The following KLC1 variants were observed in gnomAD, a reference collection of about 807,000 sequenced individuals.
KLC1 encodes the protein kinesin light chain 1.
KLC1 carries 30 observed loss-of-function variants against 84.2 expected under a neutral mutation model. The ratio of observed to expected loss-of-function variants is 0.36; its 90% CI spans 0.27 to 0.48. KLC1 has a LOEUF of 0.48. Among genes scored for constraint, KLC1 ranks in the 20% least tolerant of loss-of-function variants. KLC1 has a pLI of 0.99. For missense variants in KLC1, 499 were observed against 805.4 expected, an observed-to-expected ratio of 0.62 and a Z score of 4.60; for synonymous variants, 289 against 293.3, an observed-to-expected ratio of 0.99 and a Z score of 0.15.
intron 1 of KLC1, among the ~76,000 whole-genome samples, chr14:103,630,995 C>T (rs541343610): frequency 1.3e-5 from 2 of 152,254 alleles, no homozygotes; most frequent in African/African-American, 4.8e-5. Flanking sequence ...CGTTTATCTC[C>T]AGCAAGGGGG....
chr14:103,655,172 A>C (rs1490388897), intron 2 of KLC1, among the ~76,000 whole-genome samples: 1 of 152,002 alleles, frequency 6.6e-6, no homozygotes, highest in African/African-American at 2.4e-5. Flanking sequence ...GGTTGCAGGG[A>C]GCCAAAATTG....
chr14:103,692,492 C>T (rs1418137878), intron 15 of KLC1, 67 bp downstream of exon 15: 16 of 1,363,166 alleles, frequency 1.2e-5, no homozygotes, highest in South Asian at 2.5e-5. Flanking sequence ...GCTGCAGACC[C>T]GCACTCGGCC....
chr14:103,638,302 A>G (rs75950261), intron 1 of KLC1, among the ~76,000 whole-genome samples: 2 of 152,066 alleles, frequency 1.3e-5, no homozygotes, highest in Non-Finnish European at 2.9e-5. Context: ...AGAGTAATTG[A>G]CATTTCTTTC....
Position 103,662,257 on chromosome 14 carries a change from C to A in KLC1, c.571+63C>A, listed in dbSNP as rs377606968. 203 of 1,306,392 alleles carry A rather than the reference C, an allele frequency of 1.6e-4. No homozygotes were observed. The African/African-American group carries it at 2.6e-3, about 17-fold the overall frequency. The allele number at this position is 1,306,392 out of a possible 1,614,324, so 80.9% of individuals were successfully genotyped here. On this transcript the variant is annotated intron_variant, in intron 4 of 16. Transcript: ENST00000334553. ...GAAGAGAGGTGTTCCTCCTAGAACA[C>A]GGTCATAGCAATCAGTGGCAGCCTT...
chr14:103,657,763 A>T lies in KLC1; in HGVS notation c.479A>T (p.Asp160Val). 6.2e-7 allele frequency: 1 copy of T among 1,613,238 alleles called. No homozygotes were observed. Among genetic ancestry groups the T allele is most frequent in the East Asian group, 2.2e-5 (1 of 44,884 alleles). Residue 160 changes from aspartate to valine, a missense_variant, in exon 3 of 17, where the codon GAC becomes GTC. Asp to Val is a radical substitution (Grantham distance 152, BLOSUM62 -3). Coordinates refer to ENST00000334553, the MANE Select transcript of KLC1 (RefSeq NM_001394837.1). ...FMNQLKKYDD[D>V]ISPSEDKDTD... ...AATCAGCTAAAAAAATATGATGACG[A>T]CATTTCCCCATCCGTGAGTGGCTCT...
intron 15 of KLC1, chr14:103,696,311 C>A: frequency 1.0e-6 from 1 of 985,290 alleles, no homozygotes; most frequent in South Asian, 4.7e-5. Flanking sequence ...CCGGTGGTGC[C>A]CGCGGGTGGC....
Position 103,693,583 on chromosome 14 carries a change from G to T in KLC1, c.1848+1158G>T. The T allele has an allele frequency of 6.5e-7, 1 of 1,536,112 alleles. No homozygotes were observed. The highest frequency in any genetic ancestry group is 8.7e-7 in the Non-Finnish European group (1 of 1,146,916). Reference sequence around the variant, plus strand: ...AAATAATTGTCTGGCCGACTCGCGAGCTCTGAGTGCCAGCCACACTGACCT... The same window carrying T: ...AAATAATTGTCTGGCCGACTCGCGATCTCTGAGTGCCAGCCACACTGACCT... On this transcript the variant is annotated intron_variant, in intron 15 of 16. Coordinates refer to ENST00000334553, the MANE Select transcript of KLC1 (RefSeq NM_001394837.1). The surrounding 1 kb of genome is among the most constrained non-coding windows in gnomAD (Gnocchi z 5.1).
At chr14:103,675,057 G>A (rs911362994) in intron 9 of KLC1, among the ~76,000 whole-genome samples, 6 of 152,128 alleles carry the variant, frequency 3.9e-5, no homozygotes, top group South Asian at 4.1e-4. Context: ...GGCTGGGCGC[G>A]GTGGCTCACG....
At chr14:103,701,109 G>A in intron 16 of KLC1, 92 bp from the exon 17 acceptor site, 2 of 1,467,556 alleles carry the variant, frequency 1.4e-6, no homozygotes, top group Non-Finnish European at 1.9e-6. Flanking sequence ...GACTTGGGGT[G>A]GGGGTTCCCC....
At position 103,643,621 on chromosome 14, in the gene KLC1, G is replaced by C. The variant is rs183025434; in HGVS notation, c.-1-10943G>C. The stretch of plus-strand genomic sequence containing the variant: ...TTAGAGAGGCATGAGACATCAATCA[G>C]ATACATTTAAGAAATACATTGGTTG... On this transcript the variant is annotated intron_variant, in intron 1 of 16. Coordinates refer to ENST00000334553, the MANE Select transcript of KLC1 (RefSeq NM_001394837.1). 9.5e-4 allele frequency among the ~76,000 whole-genome samples: 145 copies of C among 152,210 alleles called. 1 individual carries two copies. Among genetic ancestry groups the C allele is most frequent in the Middle Eastern group, 3.4e-3 (1 of 294 alleles).
intron 1 of KLC1, among the ~76,000 whole-genome samples, chr14:103,653,337 A>G (rs1349552669): frequency 1.3e-5 from 2 of 151,994 alleles, no homozygotes; most frequent in Non-Finnish European, 2.9e-5. Context: ...TTATTTATTT[A>G]TTTAGGCAGA....
In KLC1 at chr14:103,693,733, T is replaced by C; in HGVS notation, c.1848+1308T>C. On this transcript the variant is annotated intron_variant, in intron 15 of 16. Coordinates refer to ENST00000334553, the MANE Select transcript of KLC1 (RefSeq NM_001394837.1). This position sits in a 1 kb window ranked among gnomAD's most constrained non-coding sequence, Gnocchi z 5.1. ...GCACTCCTTGGCTTCCTTTCCTAGA[T>C]AGTGACGTCCACCAACCTTGGAGGT... The C allele has an allele frequency of 6.8e-7, 1 of 1,465,096 alleles. No individual in the cohort carries two copies. The highest frequency in any genetic ancestry group is 9.0e-7 in the Non-Finnish European group (1 of 1,112,146). 90.8% of individuals were successfully genotyped at this position (1,465,096 alleles called of 1,614,324 possible).
At position 103,657,537 on chromosome 14, in the gene KLC1, T is replaced by C; in HGVS notation, c.262-9T>C. ...TGCCACAGTGCTGCACACGTTTCTG[T>C]CTGCTCAGGTTATGATGGCTTTGTC... On this transcript the variant is annotated splice_polypyrimidine_tract_variant and intron_variant, in intron 2 of 16. Transcript: ENST00000334553. The C allele has an allele frequency of 6.2e-7, 1 of 1,610,124 alleles. No individual in the cohort carries two copies. Among genetic ancestry groups the C allele is most frequent in the Non-Finnish European group, 8.5e-7 (1 of 1,176,454 alleles).
rs1276470277 is a variant in KLC1 at position 103,694,008 on chromosome 14, T to A, written c.1848+1583T>A. The A allele has an allele frequency of 3.9e-6, 4 of 1,033,518 alleles. No individual in the cohort carries two copies. Among genetic ancestry groups the A allele is most frequent in the Non-Finnish European group, 4.6e-6 (4 of 861,170 alleles). 64.0% of individuals were successfully genotyped at this position (1,033,518 alleles called of 1,614,324 possible). A position where few individuals can be genotyped will look rare whatever the true frequency, so the allele number is the denominator to read the frequency against. On this transcript the variant is annotated intron_variant, in intron 15 of 16. Transcript: ENST00000334553. This position sits in a 1 kb window ranked among gnomAD's most constrained non-coding sequence, Gnocchi z 4.5. ...GTAATATTGTAATAAGGCTGTAAAT[T>A]AAGAATCTGGAAACATAAAGTACCC...
intron 6 of KLC1, 76 bp from the exon 7 acceptor site, chr14:103,670,106 A>G: frequency 1.0e-6 from 1 of 985,132 alleles, no homozygotes; most frequent in South Asian, 1.4e-5. Flanking sequence ...TTGAATATAA[A>G]TGAATATGTG....
Position 103,694,014 on chromosome 14 carries a change from TC to T in KLC1, c.1848+1590del. 1 of 1,026,228 alleles carries T rather than the reference TC, an allele frequency of 9.7e-7. No homozygotes were observed. Among genetic ancestry groups the T allele is most frequent in the African/African-American group, 1.7e-5 (1 of 58,664 alleles). The allele number at this position is 1,026,228 out of a possible 1,614,324, so 63.6% of individuals were successfully genotyped here. On this transcript the variant is annotated intron_variant, in intron 15 of 16. Transcript: ENST00000334553. The surrounding 1 kb of genome is among the most constrained non-coding windows in gnomAD (Gnocchi z 4.5). ...TTGTAATAAGGCTGTAAATTAAGAA[TC>T]TGGAAACATAAAGTACCCCTTTCAG...
At chr14:103,681,654 T>A (rs1197356513) in intron 13 of KLC1, among the ~76,000 whole-genome samples, 1 of 152,172 alleles carries the variant, frequency 6.6e-6, no homozygotes, top group African/African-American at 2.4e-5. Flanking sequence ...AGACAGGGTT[T>A]CACCATGTTG....
At chr14:103,660,275 G>A (rs2079163965) in intron 3 of KLC1, among the ~76,000 whole-genome samples, 1 of 152,128 alleles carries the variant, frequency 6.6e-6, no homozygotes, top group Admixed American at 6.6e-5. Flanking sequence ...GAGGTCAGGA[G>A]TTGGAGGACA....
At position 103,629,251 on chromosome 14, in the gene KLC1, T is replaced by TGGCTGGGTC; in HGVS notation, c.-237_-229dup. On this transcript the variant is annotated 5_prime_UTR_variant, in exon 1 of 17. Transcript: ENST00000334553. ...AGCGGCGCAGGCGGCCGAGCGGGAC[T>TGGCTGGGTC]GGCTGGGTCGGCTGGGCTGCTGGTG... 6.5e-6 allele frequency: 1 copy of TGGCTGGGTC among 153,180 alleles called. No homozygotes were observed. Among genetic ancestry groups the TGGCTGGGTC allele is most frequent in the Middle Eastern group, 3.4e-3 (1 of 298 alleles). The allele number at this position is 153,180 out of a possible 1,614,324, so 9.5% of individuals were successfully genotyped here.
Sources: allele counts gnomAD v4.1 joint callset (sites outside exome capture counted in the v4.1 genomes callset), GRCh38; gene constraint gnomAD v4.1.1; non-coding constraint Gnocchi (gnomAD v3.1); transcripts MANE v1.5; gene names NCBI Gene and HGNC (gene_info 2026-07-23, HGNC 2026-07-21).